SORCS3: variants seen among roughly 807,000 people sequenced by gnomAD.
The protein encoded by SORCS3 is sortilin related VPS10 domain containing receptor 3, also known as VPS10 domain-containing receptor SorCS3.
In SORCS3, 57 loss-of-function variants were observed where a neutral mutation model predicts 146.3. The ratio of observed to expected loss-of-function variants is 0.39; its 90% CI spans 0.31 to 0.49. SORCS3 has a LOEUF of 0.49. Among genes scored for constraint, SORCS3 ranks in the 20% least tolerant of loss-of-function variants. The pLI, the probability that SORCS3 is intolerant of heterozygous loss-of-function variation, is 0.92. For missense variants in SORCS3, 1,341 were observed against 1,575.5 expected (o/e 0.85, Z 2.52); for synonymous variants, 653 against 618.5 (o/e 1.06, Z -0.83).
intron 3 of SORCS3, among the ~76,000 whole-genome samples, chr10:104,956,425 T>A (rs1309552049): frequency 6.6e-6 from 1 of 152,222 alleles, no homozygotes; most frequent in African/African-American, 2.4e-5. Context: ...AAACTGATTC[T>A]CTGTGTTTGC....
chr10:105,150,192 G>A (rs1299762913), intron 9 of SORCS3, among the ~76,000 whole-genome samples: 10 of 152,136 alleles, frequency 6.6e-5, no homozygotes, highest in Admixed American at 6.6e-5. Flanking sequence ...TGCTGGAACC[G>A]ATTAGGACAG....
intron 1 of SORCS3, among the ~76,000 whole-genome samples, chr10:104,765,912 T>G (rs1169722894): frequency 6.6e-6 from 1 of 152,198 alleles, no homozygotes; most frequent in African/African-American, 2.4e-5. Flanking sequence ...CTCCAGGGTC[T>G]GTGTTTTTAG....
chr10:104,666,606 G>A (rs1226429791), intron 1 of SORCS3, among the ~76,000 whole-genome samples: 1 of 151,966 alleles, frequency 6.6e-6, no homozygotes, highest in Non-Finnish European at 1.5e-5. Flanking sequence ...GAGCTATGCT[G>A]TATTTTGTTT....
At chr10:104,861,869 C>T (rs2018407635) in intron 2 of SORCS3, among the ~76,000 whole-genome samples, 2 of 152,136 alleles carry the variant, frequency 1.3e-5, no homozygotes, top group African/African-American at 4.8e-5. Flanking sequence ...CATGCATCTC[C>T]CCCAGCTCCT....
At chr10:104,660,814 C>T (rs1444030829) in intron 1 of SORCS3, among the ~76,000 whole-genome samples, 2 of 152,124 alleles carry the variant, frequency 1.3e-5, no homozygotes, top group Non-Finnish European at 2.9e-5. Flanking sequence ...TCCAGAGATG[C>T]CTATTTCCTG....
chr10:104,861,859 C>T (rs947853434), intron 2 of SORCS3, among the ~76,000 whole-genome samples: 1 of 152,168 alleles, frequency 6.6e-6, no homozygotes, highest in Admixed American at 6.6e-5. Context: ...TCCCTCTGAG[C>T]ATGCATCTCC....
chr10:105,042,886 A>G (rs1480826938), intron 4 of SORCS3, among the ~76,000 whole-genome samples, 169 bp from the exon 5 acceptor site: 2 of 152,164 alleles, frequency 1.3e-5, no homozygotes, highest in African/African-American at 2.4e-5. Context: ...ACGTAATGCT[A>G]GAAGATACCA....
chr10:105,150,146 G>T (rs1434400274), intron 9 of SORCS3, among the ~76,000 whole-genome samples: 1 of 152,040 alleles, frequency 6.6e-6, no homozygotes, highest in Admixed American at 6.6e-5. Context: ...GGTTTTGAGG[G>T]GGTCAATAAA....
chr10:104,790,861 T>C (rs2017488533), intron 1 of SORCS3, among the ~76,000 whole-genome samples: 1 of 152,240 alleles, frequency 6.6e-6, no homozygotes, highest in Non-Finnish European at 1.5e-5. Flanking sequence ...CACTATTGAA[T>C]GAAGCTGGCT....
At chr10:105,160,347 C>T (rs2056251645) in intron 11 of SORCS3, among the ~76,000 whole-genome samples, 2 of 152,096 alleles carry the variant, frequency 1.3e-5, no homozygotes, top group African/African-American at 4.8e-5. Context: ...AGAACAATGG[C>T]CAGGCGCAGT....
intron 5 of SORCS3, among the ~76,000 whole-genome samples, chr10:105,084,591 A>G (rs1382365361): frequency 9.9e-5 from 15 of 152,236 alleles, no homozygotes; most frequent in Admixed American, 9.8e-4. Context: ...CTAAATAACA[A>G]TAAGTTCATG....
chr10:105,159,220 GTCCCC>G (rs1285313155), intron 11 of SORCS3, among the ~76,000 whole-genome samples: 4 of 152,186 alleles, frequency 2.6e-5, no homozygotes, highest in Non-Finnish European at 5.9e-5. Flanking sequence ...ACACAGAGCA[GTCCCC>G]TGTGCTTAGG....
chr10:104,715,753 TC>T (rs2016468900), intron 1 of SORCS3, among the ~76,000 whole-genome samples: 1 of 152,198 alleles, frequency 6.6e-6, no homozygotes, highest in Admixed American at 6.6e-5. Context: ...TCTTATCACC[TC>T]CACTGGTAAA....
chr10:105,154,151 C>T (rs1432621559), intron 9 of SORCS3, among the ~76,000 whole-genome samples: 2 of 151,790 alleles, frequency 1.3e-5, no homozygotes, highest in East Asian at 3.9e-4. Context: ...GTTTCCTTGC[C>T]TTTCCTCTCC....
intron 20 of SORCS3, among the ~76,000 whole-genome samples, chr10:105,234,244 A>C (rs1205104888): frequency 2.6e-5 from 4 of 151,974 alleles, no homozygotes; most frequent in Admixed American, 6.6e-5. Context: ...AGTTGGATAT[A>C]ATTCTTATCT....
At chr10:104,884,895 T>C (rs1425358388) in intron 2 of SORCS3, among the ~76,000 whole-genome samples, 1 of 152,100 alleles carries the variant, frequency 6.6e-6, no homozygotes, top group African/African-American at 2.4e-5. Flanking sequence ...CCAATCCTAG[T>C]GGACCTGGAC....
chr10:105,222,282 C>G (rs552886080), intron 19 of SORCS3, among the ~76,000 whole-genome samples: 2 of 152,088 alleles, frequency 1.3e-5, no homozygotes, highest in South Asian at 4.2e-4. Flanking sequence ...TGGTCTTGAA[C>G]TCCTACCTCA....
At chr10:104,729,375 A>G (rs1381658035) in intron 1 of SORCS3, among the ~76,000 whole-genome samples, 3 of 152,238 alleles carry the variant, frequency 2.0e-5, no homozygotes, top group African/African-American at 7.2e-5. Context: ...TAATGAAGCA[A>G]TCTTAAGCCA....
intron 9 of SORCS3, among the ~76,000 whole-genome samples, chr10:105,148,306 G>A (rs1190485598): frequency 1.3e-5 from 2 of 152,044 alleles, no homozygotes; most frequent in African/African-American, 2.4e-5. Flanking sequence ...TCTATGCAGG[G>A]TAAAAAACTG....
Sources: gnomAD v4.1 joint callset for allele counts (sites outside exome capture counted in the v4.1 genomes callset) on GRCh38, gnomAD v4.1.1 for gene constraint, MANE v1.5 for transcripts, NCBI Gene and HGNC (gene_info 2026-07-23, HGNC 2026-07-21) for gene names.